THEMIS: variants seen among roughly 807,000 people sequenced by gnomAD.
THEMIS encodes the protein protein THEMIS.
In THEMIS, 37 loss-of-function variants were observed where a neutral mutation model predicts 52.6. The observed-to-expected ratio is 0.70, with a 90% CI of 0.54 to 0.93. The LOEUF is 0.93. Ranked by LOEUF, THEMIS falls within the 40% of genes least tolerant of loss-of-function variation. THEMIS has a pLI of 0.00. For missense variants in THEMIS, 808 were observed against 763.1 expected, an observed-to-expected ratio of 1.06 and a Z score of -0.69; for synonymous variants, 292 against 272.7, an observed-to-expected ratio of 1.07 and a Z score of -0.70.
intron 4 of THEMIS, among the ~76,000 whole-genome samples, chr6:127,724,080 C>G (rs922081447): frequency 6.6e-6 from 1 of 152,206 alleles, no homozygotes; most frequent in South Asian, 2.1e-4. Flanking sequence ...TATAGTCACA[C>G]TCACATGCAT....
chr6:127,727,481 G>A (rs760271468), intron 4 of THEMIS, among the ~76,000 whole-genome samples: 1 of 152,090 alleles, frequency 6.6e-6, no homozygotes, highest in Non-Finnish European at 1.5e-5. Context: ...GGGAACTGTG[G>A]TGTACTTTAT....
At chr6:127,781,162 C>A (rs184545961) in intron 4 of THEMIS, among the ~76,000 whole-genome samples, 12 of 151,696 alleles carry the variant, frequency 7.9e-5, no homozygotes, top group Non-Finnish European at 1.6e-4. Flanking sequence ...CTCTGATATC[C>A]TTTCTTCTGC....
At chr6:127,798,148 A>G (rs2114547999) in intron 4 of THEMIS, among the ~76,000 whole-genome samples, 1 of 152,336 alleles carries the variant, frequency 6.6e-6, no homozygotes, top group East Asian at 1.9e-4. Flanking sequence ...TGACAGTACA[A>G]AATATTAATA....
chr6:127,784,811 A>C (rs1776867269), intron 4 of THEMIS, among the ~76,000 whole-genome samples: 1 of 152,138 alleles, frequency 6.6e-6, no homozygotes, highest in Non-Finnish European at 1.5e-5. Context: ...TTATATGTAC[A>C]CATGGGTACT....
At chr6:127,789,892 C>T (rs1051219196) in intron 4 of THEMIS, among the ~76,000 whole-genome samples, 8 of 152,064 alleles carry the variant, frequency 5.3e-5, no homozygotes, top group African/African-American at 1.4e-4. Context: ...TAATAAGAGC[C>T]ATTTATGACA....
At chr6:127,867,765 T>A (rs141854112) in intron 1 of THEMIS, among the ~76,000 whole-genome samples, 1 of 152,274 alleles carries the variant, frequency 6.6e-6, no homozygotes, top group East Asian at 1.9e-4. Context: ...ATTATTTAAA[T>A]TAGACTATGC....
chr6:127,875,350 A>G (rs1488556037), intron 1 of THEMIS, among the ~76,000 whole-genome samples: 13 of 152,238 alleles, frequency 8.5e-5, no homozygotes. Context: ...ACACAGAAGC[A>G]TGTGCATACA....
At chr6:127,784,152 C>T (rs536380976) in intron 4 of THEMIS, among the ~76,000 whole-genome samples, 18 of 152,148 alleles carry the variant, frequency 1.2e-4, no homozygotes, top group Middle Eastern at 3.4e-3. Flanking sequence ...AACCAAACAC[C>T]GCATATTGTC....
intron 2 of THEMIS, among the ~76,000 whole-genome samples, chr6:127,846,895 A>G (rs917868467): frequency 1.3e-5 from 2 of 151,988 alleles, no homozygotes; most frequent in Admixed American, 6.6e-5. Flanking sequence ...TCAACTAAAT[A>G]TTAGCTAACT....
At chr6:127,731,447 G>A (rs952718336) in intron 4 of THEMIS, among the ~76,000 whole-genome samples, 1 of 151,870 alleles carries the variant, frequency 6.6e-6, no homozygotes, top group African/African-American at 2.4e-5. Flanking sequence ...TGAGTCATTT[G>A]TTCATACAAA....
At chr6:127,735,667 A>G (rs1774981481) in intron 4 of THEMIS, among the ~76,000 whole-genome samples, 1 of 152,222 alleles carries the variant, frequency 6.6e-6, no homozygotes, top group Non-Finnish European at 1.5e-5. Context: ...ACAATCTGCC[A>G]TGTGTGTTTA....
At chr6:127,787,505 C>T (rs1776991775) in intron 4 of THEMIS, among the ~76,000 whole-genome samples, 1 of 152,150 alleles carries the variant, frequency 6.6e-6, no homozygotes, top group Admixed American at 6.6e-5. Flanking sequence ...TTCAAACCTA[C>T]CACTGGCACC....
At chr6:127,841,815 A>T (rs1046810499) in intron 2 of THEMIS, among the ~76,000 whole-genome samples, 1 of 152,078 alleles carries the variant, frequency 6.6e-6, no homozygotes, top group Non-Finnish European at 1.5e-5. Context: ...TGCATAGTTT[A>T]TACAAAATAC....
intron 4 of THEMIS, among the ~76,000 whole-genome samples, chr6:127,779,635 G>A (rs1181875988): frequency 2.0e-5 from 3 of 152,252 alleles, no homozygotes; most frequent in Non-Finnish European, 2.9e-5. Flanking sequence ...GGTGTAGGAA[G>A]TGCTATAATA....
At chr6:127,704,739 T>C (rs141313831), downstream of THEMIS, among the ~76,000 whole-genome samples, 1 of 152,324 alleles carries the variant, frequency 6.6e-6, no homozygotes, top group Non-Finnish European at 1.5e-5. Context: ...GTCCAGATGA[T>C]ACAAATGAGC....
At chr6:127,856,711 A>G (rs1443140443) in intron 1 of THEMIS, among the ~76,000 whole-genome samples, 1 of 151,998 alleles carries the variant, frequency 6.6e-6, no homozygotes, top group Non-Finnish European at 1.5e-5. Flanking sequence ...TCCTTGTCTC[A>G]TACTATTCCC....
chr6:127,745,271 T>G (rs1452577307), intron 4 of THEMIS, among the ~76,000 whole-genome samples: 1 of 151,856 alleles, frequency 6.6e-6, no homozygotes, highest in East Asian at 1.9e-4. Flanking sequence ...AAAATATGCC[T>G]AAGCAATTAA....
At chr6:127,750,877 G>T (rs1775617958) in intron 4 of THEMIS, among the ~76,000 whole-genome samples, 1 of 151,616 alleles carries the variant, frequency 6.6e-6, no homozygotes, top group Non-Finnish European at 1.5e-5. Context: ...ACCAGGAAAA[G>T]CTGCCCTTCA....
intron 1 of THEMIS, among the ~76,000 whole-genome samples, chr6:127,872,169 A>G (rs966589057): frequency 5.9e-5 from 9 of 152,220 alleles, no homozygotes; most frequent in African/African-American, 1.9e-4. Context: ...CAATCAATGT[A>G]ATCTACTACA....
Sources: gnomAD v4.1 joint callset for allele counts (sites outside exome capture counted in the v4.1 genomes callset) on GRCh38, gnomAD v4.1.1 for gene constraint, MANE v1.5 for transcripts, NCBI Gene and HGNC (gene_info 2026-07-23, HGNC 2026-07-21) for gene names.